PCYT1B: variants seen among roughly 807,000 people sequenced by gnomAD.
PCYT1B encodes phosphate cytidylyltransferase 1B, choline.
A neutral mutation model predicts 26.4 loss-of-function variants in PCYT1B; 10 were observed. That is an observed-to-expected ratio of 0.38 (90% CI 0.23 to 0.64). The LOEUF (loss-of-function observed/expected upper bound fraction) is 0.64. PCYT1B is among the 30% of genes least tolerant of loss of function. The pLI is 0.56. For missense variants in PCYT1B, 161 were observed against 292.7 expected (o/e 0.55, Z 3.28); for synonymous variants, 131 against 108.4 (o/e 1.21, Z -1.29).
chrX:24,612,156 C>T (rs371636664), intron 2 of PCYT1B, among the ~76,000 whole-genome samples: 4 of 112,078 alleles, frequency 3.6e-5, no homozygotes, highest in Admixed American at 1.9e-4. Context: ...GGCCTCTGGC[C>T]GACAACTGGT....
At chrX:24,564,098 C>A (rs1456164555) in intron 7 of PCYT1B, among the ~76,000 whole-genome samples, 1 of 109,749 alleles carries the variant, frequency 9.1e-6, no homozygotes, top group Non-Finnish European at 1.9e-5. Context: ...AGGAGAACCA[C>A]TTGAACCCAG....
intron 3 of PCYT1B, among the ~76,000 whole-genome samples, chrX:24,603,806 C>T (rs1157005192): frequency 8.1e-5 from 9 of 111,725 alleles, no homozygotes; most frequent in African/African-American, 2.9e-4. Flanking sequence ...CATACAATCA[C>T]AAAGTATTTC....
At chrX:24,648,449 A>ATTTTTTTTTTTTTTTTTTTTTTT (rs57744798), upstream of PCYT1B, among the ~76,000 whole-genome samples, 58 of 39,723 alleles carry the variant, frequency 1.5e-3, 7 homozygotes, top group African/African-American at 7.2e-3. Context: ...ATTTGAAGGA[A>ATTTTTTTTTTTTTTTTTTTTTTT]TTTTTTTTTT....
chrX:24,657,228 T>A (rs1926940862), intron 1 of PCYT1B, among the ~76,000 whole-genome samples: 1 of 112,196 alleles, frequency 8.9e-6, no homozygotes, highest in Admixed American at 9.5e-5. Context: ...AAACTCCAAA[T>A]ACAGCCGCCA....
At chrX:24,608,720 A>T (rs988040981) in intron 2 of PCYT1B, among the ~76,000 whole-genome samples, 18 of 111,751 alleles carry the variant, frequency 1.6e-4, no homozygotes, top group African/African-American at 5.9e-4. Flanking sequence ...GAACCAGGAG[A>T]CCAGGATAAC....
At chrX:24,660,449 G>A (rs999919033) in intron 1 of PCYT1B, among the ~76,000 whole-genome samples, 11 of 111,499 alleles carry the variant, frequency 9.9e-5, no homozygotes, top group African/African-American at 2.0e-4. Context: ...AGGCTGAGGC[G>A]GGCAGATCAC....
At chrX:24,634,346 G>A (rs2057112894) in intron 1 of PCYT1B, among the ~76,000 whole-genome samples, 1 of 112,346 alleles carries the variant, frequency 8.9e-6, no homozygotes, top group African/African-American at 3.2e-5. Context: ...TTTGCTTTCA[G>A]CTTATTGCAA....
chrX:24,623,967 CT>C (rs1347821643), intron 1 of PCYT1B, among the ~76,000 whole-genome samples: 871 of 85,205 alleles, frequency 0.01, 2 homozygotes, highest in Non-Finnish European at 0.014. Flanking sequence ...CTAAGCTATA[CT>C]TTTTTTTTTT....
Position 24,561,377 on chromosome X carries a change from G to A in PCYT1B, c.*916C>T, listed in dbSNP as rs1021392311. The A allele has an allele frequency of 8.9e-6, 1 of 112,257 alleles. No individual in the cohort carries two copies. Among genetic ancestry groups the A allele is most frequent in the African/African-American group, 3.3e-5 (1 of 30,717 alleles). The allele number at this position is 112,257 out of a possible 1,213,427, so 9.3% of individuals were successfully genotyped here. On this transcript the variant is annotated 3_prime_UTR_variant, in exon 8 of 8. Coordinates refer to ENST00000379144, the MANE Select transcript of PCYT1B (RefSeq NM_004845.5). ...TATACTATGTTTGATACCTCAAACTGTTACTTGAGGTCTATGAAACTGTTA... is the reference window on the plus strand; with the variant it reads ...TATACTATGTTTGATACCTCAAACTATTACTTGAGGTCTATGAAACTGTTA...
At chrX:24,648,095 T>G (rs994490354), upstream of PCYT1B, among the ~76,000 whole-genome samples, 1 of 111,827 alleles carries the variant, frequency 8.9e-6, no homozygotes, top group Non-Finnish European at 1.9e-5. Context: ...GGGTCCCATT[T>G]CCGAAGTACC....
chrX:24,598,664 A>T (rs1035390753), intron 3 of PCYT1B, among the ~76,000 whole-genome samples: 1 of 112,111 alleles, frequency 8.9e-6, no homozygotes, highest in East Asian at 2.8e-4. Context: ...TCTTGTTTAT[A>T]ACTTATTATA....
At chrX:24,629,256 T>C (rs1925972732) in intron 1 of PCYT1B, among the ~76,000 whole-genome samples, 1 of 111,576 alleles carries the variant, frequency 9.0e-6, no homozygotes, top group Admixed American at 9.7e-5. Flanking sequence ...AAAATTATCT[T>C]AAATATCTTT....
intron 3 of PCYT1B, among the ~76,000 whole-genome samples, chrX:24,603,415 C>A (rs1925027279): frequency 1.1e-4 from 12 of 112,385 alleles, no homozygotes; most frequent in Admixed American, 1.0e-3. Context: ...AAAGTCCCTG[C>A]ATAATATTTA....
At chrX:24,630,326 C>G (rs992772633) in intron 1 of PCYT1B, among the ~76,000 whole-genome samples, 2 of 111,599 alleles carry the variant, frequency 1.8e-5, no homozygotes, top group Non-Finnish European at 3.8e-5. Context: ...GACAGAGTCT[C>G]GCTCTGTCAC....
chrX:24,641,344 C>G (rs770636433), intron 1 of PCYT1B, among the ~76,000 whole-genome samples: 2 of 112,222 alleles, frequency 1.8e-5, no homozygotes, highest in African/African-American at 6.5e-5. Flanking sequence ...TCCCACTGTC[C>G]TTCTATAATT....
intron 1 of PCYT1B, among the ~76,000 whole-genome samples, chrX:24,668,043 T>C (rs1227117294): frequency 8.9e-6 from 1 of 112,231 alleles, no homozygotes; most frequent in Non-Finnish European, 1.9e-5. Flanking sequence ...CAGCAAGCTG[T>C]AAGAAACCAC....
At chrX:24,670,175 C>G (rs185650825) in intron 1 of PCYT1B, among the ~76,000 whole-genome samples, 13 of 106,022 alleles carry the variant, frequency 1.2e-4, no homozygotes, top group Non-Finnish European at 2.0e-5. Context: ...TAAATAATAT[C>G]TACATCACAG....
intron 1 of PCYT1B, among the ~76,000 whole-genome samples, chrX:24,672,283 T>C (rs1204587339): frequency 1.8e-5 from 2 of 112,542 alleles, no homozygotes; most frequent in Non-Finnish European, 3.8e-5. Context: ...CAGGCTCCCA[T>C]AGCATATTGA....
chrX:24,561,687 C>T lies in PCYT1B; in HGVS notation c.*606G>A, dbSNP rs1923420650. The T allele has an allele frequency of 6.5e-6, 1 of 154,398 alleles. No homozygotes were observed. The highest frequency in any genetic ancestry group is 7.6e-5 in the Admixed American group (1 of 13,221). 12.7% of individuals were successfully genotyped at this position (154,398 alleles called of 1,213,427 possible). ...AAAAGTTAAGGTTCACACTAGATGA[C>T]CTTTTATAACCAGCCTAAAGCAAGG... On this transcript the variant is annotated 3_prime_UTR_variant, in exon 8 of 8. Transcript: ENST00000379144.
Sources: gnomAD v4.1 joint callset for allele counts (sites outside exome capture counted in the v4.1 genomes callset) on GRCh38, gnomAD v4.1.1 for gene constraint, MANE v1.5 for transcripts, NCBI Gene and HGNC (gene_info 2026-07-23, HGNC 2026-07-21) for gene names.